P2RX6: variants seen among roughly 807,000 people sequenced by gnomAD.
P2RX6 encodes the protein P2X purinoceptor 6.
Under a neutral mutation model 54.2 loss-of-function variants are expected in P2RX6, and 62 were observed. That is an observed-to-expected ratio of 1.14 (90% CI 0.93 to 1.41). The LOEUF (loss-of-function observed/expected upper bound fraction) is 1.41, where lower values mean the gene tolerates loss of function less well. Among genes scored for constraint, P2RX6 ranks in the 40% most tolerant of loss-of-function variants. P2RX6 has a pLI of 0.00. For missense variants in P2RX6, 541 were observed against 566.3 expected, an observed-to-expected ratio of 0.96 and a Z score of 0.45; for synonymous variants, 211 against 231.9, an observed-to-expected ratio of 0.91 and a Z score of 0.82.
At position 21,023,345 on chromosome 22, in the gene P2RX6, T is replaced by C; in HGVS notation, c.709T>C (p.Tyr237His). The change falls in exon 7 of 12, where the codon TAC (tyrosine) becomes CAC (histidine). Residue 237 changes from tyrosine to histidine, a missense_variant. Tyr to His is a moderately conservative substitution (Grantham distance 83, BLOSUM62 2). Transcript: ENST00000413302. ...HCRYEPQFSP[Y>H]CPVFRIGDLV... is the part of the protein sequence containing the mutation. ...CCGCTATGAACCACAATTCAGCCCC[T>C]ACTGTCCCGTGTTCCGCATTGGGGA... 1 of 1,613,924 alleles carries C rather than the reference T, an allele frequency of 6.2e-7. No individual in the cohort carries two copies. The highest frequency in any genetic ancestry group is 8.5e-7 in the Non-Finnish European group (1 of 1,179,874).
chr22:21,024,401 C>T (rs912581769), intron 8 of P2RX6, among the ~76,000 whole-genome samples: 1 of 152,050 alleles, frequency 6.6e-6, no homozygotes, highest in Admixed American at 6.6e-5. Flanking sequence ...CCTCAGCCTC[C>T]CAAGTAGCTG....
upstream of P2RX6, chr22:21,015,001 T>TAGGGAGGGTGGGAGGTGC: frequency 2.0e-6 from 1 of 511,242 alleles, no homozygotes; most frequent in Non-Finnish European, 3.4e-6. Context: ...AAAGGGAATG[T>TAGGGAGGGTGGGAGGTGC]AGGGAGGGTG....
At chr22:21,017,952 G>A (rs769685756) in intron 2 of P2RX6, 37 bp from the exon 3 acceptor site, 8 of 1,410,584 alleles carry the variant, frequency 5.7e-6, no homozygotes, top group Admixed American at 1.7e-5. Context: ...CAGTCAACAC[G>A]AGCCCAGCCA....
At position 21,023,343 on chromosome 22, in the gene P2RX6, C is replaced by T; in HGVS notation, c.707C>T (p.Pro236Leu). ...TGCCGCTATGAACCACAATTCAGCC[C>T]CTACTGTCCCGTGTTCCGCATTGGG... is the stretch of plus-strand genomic sequence containing the variant. ...KHCRYEPQFS[P>L]YCPVFRIGDL... The change falls in exon 7 of 12, where the codon CCC (proline) becomes CTC (leucine). Residue 236 changes from proline (P) to leucine (L), a missense_variant. This residue lies in a region of P2RX6 where 526 missense variants were observed against 531.5 expected (regional missense o/e 0.99). Coordinates refer to ENST00000413302, the MANE Select transcript of P2RX6 (RefSeq NM_005446.5). 2.5e-6 allele frequency: 4 copies of T among 1,613,972 alleles called. No homozygotes were observed. Among genetic ancestry groups the T allele is most frequent in the South Asian group, 1.1e-5 (1 of 91,078 alleles).
At chr22:21,014,605 G>A (rs995835475), upstream of P2RX6, among the ~76,000 whole-genome samples, 2 of 152,204 alleles carry the variant, frequency 1.3e-5, no homozygotes, top group Non-Finnish European at 2.9e-5. Flanking sequence ...TGTCCTCACT[G>A]CACTGGGGAA....
At chr22:21,016,902 C>G (rs1050693861) in intron 2 of P2RX6, among the ~76,000 whole-genome samples, 1 of 152,140 alleles carries the variant, frequency 6.6e-6, no homozygotes, top group African/African-American at 2.4e-5. Context: ...CTTCTAGGTG[C>G]ACACCCACAT....
Position 21,025,873 on chromosome 22 carries a change from G to T in P2RX6, c.959G>T (p.Arg320Leu). 1.3e-6 allele frequency: 2 copies of T among 1,575,420 alleles called. No homozygotes were observed. The highest frequency in any genetic ancestry group is 1.7e-6 in the Non-Finnish European group (2 of 1,161,004). The change falls in exon 9 of 12, where the codon CGC (arginine) becomes CTC (leucine). Residue 320 changes from arginine to leucine, a missense_variant. Physicochemically the swap from Arg to Leu is moderately radical, Grantham distance 102. Coordinates refer to ENST00000413302, the MANE Select transcript of P2RX6 (RefSeq NM_005446.5). ...ARTLLKLYGI[R>L]FDILVTGQAG... is the part of the protein sequence containing the mutation. ...ACCCTGCTCAAGCTCTATGGAATCCGCTTCGACATCCTCGTCACCGGGCAG... is the reference window on the plus strand; with the variant it reads ...ACCCTGCTCAAGCTCTATGGAATCCTCTTCGACATCCTCGTCACCGGGCAG...
intron 2 of P2RX6, 133 bp downstream of exon 2, chr22:21,016,225 C>A: frequency 1.1e-6 from 1 of 948,540 alleles, no homozygotes; most frequent in Non-Finnish European, 1.6e-6. Flanking sequence ...TCAGGAAGGG[C>A]TTCACAGAGG....
intron 8 of P2RX6, among the ~76,000 whole-genome samples, chr22:21,025,435 C>G: frequency 6.6e-6 from 1 of 152,122 alleles, no homozygotes; most frequent in Non-Finnish European, 1.5e-5. Context: ...TGGCAAACCA[C>G]CTGTGTGCAT....
At chr22:21,024,867 GT>G (rs1447107084) in intron 8 of P2RX6, among the ~76,000 whole-genome samples, 2 of 103,838 alleles carry the variant, frequency 1.9e-5, no homozygotes, top group Non-Finnish European at 3.7e-5. Context: ...CACCAAGCCT[GT>G]TTTTTTTGTG....
chr22:21,022,656 T>C lies in P2RX6; in HGVS notation c.388-20T>C, dbSNP rs765584723. On this transcript the variant is annotated intron_variant, in intron 3 of 11. Coordinates refer to ENST00000413302, the MANE Select transcript of P2RX6 (RefSeq NM_005446.5). ...AGACATCCCCTGTGCCATTGGTGACTGCTCTCTCTCCCACCTCAGCACCCG... is the reference window on the plus strand; with the variant it reads ...AGACATCCCCTGTGCCATTGGTGACCGCTCTCTCTCCCACCTCAGCACCCG... 1 of 1,501,162 alleles carries C rather than the reference T, an allele frequency of 6.7e-7. No homozygotes were observed. Among genetic ancestry groups the C allele is most frequent in the Non-Finnish European group, 8.9e-7 (1 of 1,123,054 alleles). 93.0% of individuals were successfully genotyped at this position (1,501,162 alleles called of 1,614,324 possible).
intron 2 of P2RX6, among the ~76,000 whole-genome samples, chr22:21,016,375 A>G (rs1926387358): frequency 6.6e-6 from 1 of 152,074 alleles, no homozygotes; most frequent in South Asian, 2.1e-4. Context: ...AGGCAGGTGG[A>G]TCACGAGATT....
Position 21,023,075 on chromosome 22 carries a change from G to A in P2RX6, c.557+40G>A, listed in dbSNP as rs761643865. ...AATCCCCTACCCCAACTGGCGCAGG[G>A]CCCCAGGCCTGGCAGAGGCTGTCAC... On this transcript the variant is annotated intron_variant, in intron 5 of 11. Coordinates refer to ENST00000413302, the MANE Select transcript of P2RX6 (RefSeq NM_005446.5). 24 of 1,612,266 alleles carry A rather than the reference G, an allele frequency of 1.5e-5. 1 individual carries two copies. The highest frequency in any genetic ancestry group is 1.3e-4 in the South Asian group (12 of 91,034).
chr22:21,026,787 A>G lies in P2RX6; in HGVS notation c.*170A>G, dbSNP rs1928538997. ...TGGTAGGGTGCTGCCTCAGGGAGCC[A>G]TAGAAGTCGGCTGTGTTTTGAGACG... On this transcript the variant is annotated 3_prime_UTR_variant, in exon 12 of 12. Coordinates refer to ENST00000413302, the MANE Select transcript of P2RX6 (RefSeq NM_005446.5). The surrounding 1 kb of genome is among the most constrained non-coding windows in gnomAD (Gnocchi z 4.0). The G allele has an allele frequency of 7.4e-7, 1 of 1,357,284 alleles. No homozygotes were observed. Among genetic ancestry groups the G allele is most frequent in the Non-Finnish European group, 9.7e-7 (1 of 1,027,362 alleles). The allele number at this position is 1,357,284 out of a possible 1,614,324, so 84.1% of individuals were successfully genotyped here.
At chr22:21,015,359 G>C (rs1191795850) in intron 1 of P2RX6, 21 bp downstream of exon 1, 9 of 1,539,346 alleles carry the variant, frequency 5.8e-6, no homozygotes, top group Non-Finnish European at 7.8e-6. Context: ...AGAGCTTTTG[G>C]CCAGGCTGGA....
In P2RX6 at chr22:21,026,126, C is replaced by T; in HGVS notation, c.1050+50C>T. The T allele has an allele frequency of 6.4e-7, 1 of 1,569,142 alleles. No homozygotes were observed. The highest frequency in any genetic ancestry group is 1.8e-5 in the Admixed American group (1 of 54,964). On this transcript the variant is annotated intron_variant, in intron 10 of 11. Coordinates refer to ENST00000413302, the MANE Select transcript of P2RX6 (RefSeq NM_005446.5). This position sits in a 1 kb window ranked among gnomAD's most constrained non-coding sequence, Gnocchi z 4.0. ...TGCAGGCTGCAGTGAGTGCTGCTGA[C>T]CAGGGTGTGTCCAATGCATGCTGGA...
chr22:21,016,835 T>C (rs571397054), intron 2 of P2RX6, among the ~76,000 whole-genome samples: 1 of 152,260 alleles, frequency 6.6e-6, no homozygotes, highest in South Asian at 2.1e-4. Flanking sequence ...CTGCCACTTC[T>C]GCTCCTCTGA....
intron 2 of P2RX6, 77 bp from the exon 3 acceptor site, chr22:21,017,912 A>C (rs1926698388): frequency 4.5e-6 from 4 of 896,132 alleles, no homozygotes; most frequent in Non-Finnish European, 7.4e-6. Context: ...CCCTTCCCTC[A>C]TAAACCAGGC....
intron 3 of P2RX6, among the ~76,000 whole-genome samples, chr22:21,021,334 T>C (rs1415628452): frequency 1.3e-5 from 2 of 152,014 alleles, no homozygotes; most frequent in African/African-American, 4.8e-5. Flanking sequence ...AGAGGCAGGG[T>C]GCTCAGTTTC....
Sources: allele counts gnomAD v4.1 joint callset (sites outside exome capture counted in the v4.1 genomes callset), GRCh38; gene constraint gnomAD v4.1.1; regional missense constraint gnomAD v4.1.1; non-coding constraint Gnocchi (gnomAD v3.1); transcripts MANE v1.5; gene names NCBI Gene and HGNC (gene_info 2026-07-23, HGNC 2026-07-21).